The following GEMIN5 variants were observed in gnomAD, a reference collection of about 807,000 sequenced individuals.
GEMIN5 encodes the protein gem nuclear organelle associated protein 5, also known as gem-associated protein 5.
In GEMIN5, 124 loss-of-function variants were observed where a neutral mutation model predicts 176.9. That is an observed-to-expected ratio of 0.70 (90% CI 0.61 to 0.81). GEMIN5 has a LOEUF of 0.81. GEMIN5 is among the 40% of genes least tolerant of loss of function. The probability of loss-of-function intolerance (pLI) is 0.00; values close to 1 mark genes in which losing one functional copy is unlikely to be tolerated. For synonymous variants in GEMIN5, 673 were observed against 665.2 expected, an observed-to-expected ratio of 1.01 and a Z score of -0.18; for missense variants, 1,843 against 1,814.6, an observed-to-expected ratio of 1.02 and a Z score of -0.28.
At chr5:154,922,034 T>C (rs577570518) in intron 9 of GEMIN5, among the ~76,000 whole-genome samples, 87 of 152,376 alleles carry the variant, frequency 5.7e-4, no homozygotes, top group African/African-American at 2.0e-3. Context: ...TTCCAGAGCC[T>C]ATGAATAATT....
At chr5:154,902,798 G>A in intron 19 of GEMIN5, 122 bp from the exon 20 acceptor site, 2 of 966,644 alleles carry the variant, frequency 2.1e-6, no homozygotes, top group Non-Finnish European at 3.2e-6. Flanking sequence ...ATTCTCTGAT[G>A]GGTGTCACCT....
rs148092374 is a variant in GEMIN5 at position 154,919,197 on chromosome 5, G to T, written c.1599+770C>A. Reference sequence around the variant, plus strand: ...AATACAAAAATTAGCTGGGCATGGTGGCCCATGCCTGCAGTCCCAGATACT... The same window carrying T: ...AATACAAAAATTAGCTGGGCATGGTTGCCCATGCCTGCAGTCCCAGATACT... On this transcript the variant is annotated intron_variant, in intron 11 of 27. Transcript: ENST00000285873. Among the ~76,000 whole-genome samples the T allele has an allele frequency of 8.8e-4, 134 of 152,264 alleles. No homozygotes were observed. The East Asian group carries it at 0.02, about 23-fold the overall frequency.
chr5:154,919,594 G>A (rs1321556241), intron 11 of GEMIN5, among the ~76,000 whole-genome samples: 1 of 152,126 alleles, frequency 6.6e-6, no homozygotes, highest in Non-Finnish European at 1.5e-5. Context: ...CTATATTATT[G>A]TTATTTTTAC....
intron 7 of GEMIN5, among the ~76,000 whole-genome samples, chr5:154,926,744 C>T (rs541926741): frequency 2.6e-5 from 4 of 152,142 alleles, no homozygotes; most frequent in African/African-American, 9.7e-5. Flanking sequence ...TTGGGCCACA[C>T]AAAAAGTACA....
intron 23 of GEMIN5, 105 bp from the exon 24 acceptor site, chr5:154,896,448 C>T: frequency 8.4e-7 from 1 of 1,193,496 alleles, no homozygotes; most frequent in Non-Finnish European, 1.1e-6. Context: ...GTATCTGCAG[C>T]AACCAAAGCA....
intron 25 of GEMIN5, 115 bp from the exon 26 acceptor site, chr5:154,891,857 G>A: frequency 2.0e-6 from 2 of 1,019,656 alleles, no homozygotes; most frequent in East Asian, 2.4e-5. Flanking sequence ...CAGGAAAAAG[G>A]ACAACAGTGT....
Position 154,891,558 on chromosome 5 carries a change from G to A in GEMIN5, c.3945C>T (p.Ser1315=), listed in dbSNP as rs1763227033. The change falls in exon 26 of 28, where the codon AGC becomes AGT. Residue 1315 remains serine (S), a synonymous_variant. Transcript: ENST00000285873. The part of the protein sequence containing the change: ...AGHRTLSVEP[S]QQLDTASTEE... ...CAGTGCTGGCAGTGTCTAACTGCTGGCTTGGCTCAACAGAGAGTGTTCTGT... is the reference window on the plus strand; with the variant it reads ...CAGTGCTGGCAGTGTCTAACTGCTGACTTGGCTCAACAGAGAGTGTTCTGT... 3 of 1,614,048 alleles carry A rather than the reference G, an allele frequency of 1.9e-6. No individual in the cohort carries two copies. Among genetic ancestry groups the A allele is most frequent in the Admixed American group, 1.7e-5 (1 of 60,004 alleles).
rs775734420 is a variant in GEMIN5, at chr5:154,907,811, T to A, written c.2175A>T (p.Lys725Asn). 1 of 1,612,002 alleles carries A rather than the reference T, an allele frequency of 6.2e-7. No homozygotes were observed. Among genetic ancestry groups the A allele is most frequent in the South Asian group, 1.1e-5 (1 of 90,936 alleles). The part of the protein sequence containing the change: ...QDHSRPPQGK[K>N]SIELEKKRLS... ...GCCGTTTTTTCTCCAATTCAATACT[T>A]TTTTTGCCTACAAGAATCACAATAA... Residue 725 changes from lysine to asparagine, a missense_variant, in exon 16 of 28, where the codon AAA (lysine) becomes AAT (asparagine). Coordinates refer to ENST00000285873, the MANE Select transcript of GEMIN5 (RefSeq NM_015465.5).
chr5:154,887,711 G>C lies in GEMIN5; in HGVS notation c.*499C>G, dbSNP rs1763138895. On this transcript the variant is annotated 3_prime_UTR_variant, in exon 28 of 28. Coordinates refer to ENST00000285873, the MANE Select transcript of GEMIN5 (RefSeq NM_015465.5). The stretch of plus-strand genomic sequence containing the variant: ...ATTTCATATTCAAACTTCAGTCTAT[G>C]AAAGAGTAGAGAGAGAAGGGTCTCC... The C allele has an allele frequency of 6.5e-6, 1 of 153,074 alleles. No homozygotes were observed. Among genetic ancestry groups the C allele is most frequent in the Admixed American group, 6.5e-5 (1 of 15,290 alleles). 9.5% of individuals were successfully genotyped at this position (153,074 alleles called of 1,614,324 possible). A position where few individuals can be genotyped will look rare whatever the true frequency, so the allele number is the denominator to read the frequency against.
At chr5:154,931,167 A>G (rs544530129) in intron 5 of GEMIN5, among the ~76,000 whole-genome samples, 1 of 152,370 alleles carries the variant, frequency 6.6e-6, no homozygotes, top group East Asian at 1.9e-4. Context: ...ATGTTCTAAT[A>G]TTCCTGTTTT....
rs141832132 is a variant in GEMIN5 at position 154,938,032 on chromosome 5, G to C, written c.102C>G (p.Thr34=). ...PGGLFGFAAR[T]SVFLVRVGPG... ...GGCCCACGCGGACAAGGAAGACGGA[G>C]GTCCGCGCGGCGAAGCCAAAGAGGC... is the stretch of plus-strand genomic sequence containing the variant. Residue 34 remains threonine (T), a synonymous_variant, in exon 1 of 28, where the codon ACC becomes ACG. Coordinates refer to ENST00000285873, the MANE Select transcript of GEMIN5 (RefSeq NM_015465.5). 3.2e-6 allele frequency: 5 copies of C among 1,554,176 alleles called. No homozygotes were observed. The highest frequency in any genetic ancestry group is 4.3e-6 in the Non-Finnish European group (5 of 1,154,058).
intron 2 of GEMIN5, among the ~76,000 whole-genome samples, chr5:154,936,746 C>T (rs1764277626): frequency 6.6e-6 from 1 of 152,146 alleles, no homozygotes. Context: ...ACTCTTGTAG[C>T]ATGAAAGCAG....
intron 13 of GEMIN5, among the ~76,000 whole-genome samples, chr5:154,914,937 G>A (rs755172605): frequency 2.1e-4 from 32 of 152,128 alleles, no homozygotes; most frequent in Non-Finnish European, 4.3e-4. Context: ...AAGTATATGC[G>A]ATTTCTTTGT....
chr5:154,938,206 C>T lies in GEMIN5; in HGVS notation c.-73G>A, dbSNP rs1582682742. On this transcript the variant is annotated 5_prime_UTR_variant, in exon 1 of 28. Transcript: ENST00000285873. Reference sequence around the variant, plus strand: ...GTAGCCTCACGCCTTAGGTAGGGAGCGGGGCGGGGTGAACTCCGAGCCCCG... The same window carrying T: ...GTAGCCTCACGCCTTAGGTAGGGAGTGGGGCGGGGTGAACTCCGAGCCCCG... 3 of 1,215,776 alleles carry T rather than the reference C, an allele frequency of 2.5e-6. No homozygotes were observed. The East Asian group carries it at 9.4e-5, about 38-fold the overall frequency. The allele number at this position is 1,215,776 out of a possible 1,614,324, so 75.3% of individuals were successfully genotyped here.
intron 25 of GEMIN5, 87 bp from the exon 26 acceptor site, chr5:154,891,829 C>T (rs1763237314): frequency 7.5e-7 from 1 of 1,341,352 alleles, no homozygotes; most frequent in Admixed American, 2.3e-5. Flanking sequence ...TATTTCTTAT[C>T]AACCAAGAAG....
At chr5:154,890,012 T>C (rs1471136856) in intron 26 of GEMIN5, among the ~76,000 whole-genome samples, 1 of 152,258 alleles carries the variant, frequency 6.6e-6, no homozygotes, top group Non-Finnish European at 1.5e-5. Flanking sequence ...CTATGGTCAT[T>C]CTATTTTACA....
chr5:154,902,138 T>G (rs773803817), intron 20 of GEMIN5, among the ~76,000 whole-genome samples: 1 of 151,908 alleles, frequency 6.6e-6, no homozygotes, highest in Non-Finnish European at 1.5e-5. Flanking sequence ...CAAGGTCTCA[T>G]GATGTTGCCC....
Position 154,931,382 on chromosome 5 carries a change from G to A in GEMIN5, c.781+76C>T. The A allele has an allele frequency of 6.3e-6, 9 of 1,435,304 alleles. No homozygotes were observed. The South Asian group carries it at 1.2e-4, about 20-fold the overall frequency. The allele number at this position is 1,435,304 out of a possible 1,614,324, so 88.9% of individuals were successfully genotyped here. A position where few individuals can be genotyped will look rare whatever the true frequency, so the allele number is the denominator to read the frequency against. On this transcript the variant is annotated intron_variant, in intron 5 of 27. Coordinates refer to ENST00000285873, the MANE Select transcript of GEMIN5 (RefSeq NM_015465.5). ...CTCTCAAATAGATGACACACCCTCA[G>A]GACAATAAGAACAGAAAACCCTCTA...
At position 154,925,916 on chromosome 5, in the gene GEMIN5, C is replaced by T. The variant is rs1764019628; in HGVS notation, c.1239G>A (p.Lys413=). Reference sequence around the variant, plus strand: ...AAAAATTTTTCACATCATAGTTGTTCTTTATGGAGAGTGTATTCCATACAC... The same window carrying T: ...AAAAATTTTTCACATCATAGTTGTTTTTTATGGAGAGTGTATTCCATACAC... ...MIRVWNTLSI[K]NNYDVKNFWQ... is the part of the protein sequence containing the mutation. Residue 413 remains lysine (K), a synonymous_variant, in exon 8 of 28, where the codon AAG becomes AAA. Transcript: ENST00000285873. 1 of 1,613,890 alleles carries T rather than the reference C, an allele frequency of 6.2e-7. No homozygotes were observed. Among genetic ancestry groups the T allele is most frequent in the East Asian group, 2.2e-5 (1 of 44,880 alleles).
Sources: allele counts gnomAD v4.1 joint callset (sites outside exome capture counted in the v4.1 genomes callset), GRCh38; gene constraint gnomAD v4.1.1; transcripts MANE v1.5; gene names NCBI Gene and HGNC (gene_info 2026-07-23, HGNC 2026-07-21).